WDR70: variants seen among roughly 807,000 people sequenced by gnomAD.
WDR70 encodes the protein WD repeat domain 70, also known as WD repeat-containing protein 70.
Under a neutral mutation model 88.6 loss-of-function variants are expected in WDR70, and 53 were observed. The observed-to-expected ratio is 0.60, with a 90% CI of 0.48 to 0.75. WDR70 has a LOEUF of 0.75. WDR70 is among the 30% of genes least tolerant of loss of function. The pLI is 0.00. For missense variants in WDR70, 610 were observed against 823.2 expected (o/e 0.74, Z 3.17); for synonymous variants, 280 against 270.0 (o/e 1.04, Z -0.36).
chr5:37,611,496 A>G (rs1179031864), intron 10 of WDR70, among the ~76,000 whole-genome samples: 2 of 152,046 alleles, frequency 1.3e-5, no homozygotes, highest in East Asian at 3.8e-4. Flanking sequence ...AGAGCAATCT[A>G]AACTCCCTAA....
intron 9 of WDR70, among the ~76,000 whole-genome samples, chr5:37,521,777 A>G (rs1394768991): frequency 1.3e-5 from 2 of 151,756 alleles, no homozygotes; most frequent in Admixed American, 1.3e-4. Context: ...ATTGATGGGC[A>G]TTTGGGCTGG....
intron 10 of WDR70, among the ~76,000 whole-genome samples, chr5:37,682,110 G>T (rs1346674257): frequency 6.6e-6 from 1 of 152,146 alleles, no homozygotes; most frequent in African/African-American, 2.4e-5. Context: ...TTCAGAGCTT[G>T]TTATTGGTCT....
intron 6 of WDR70, among the ~76,000 whole-genome samples, chr5:37,441,195 G>A (rs1166128143): frequency 6.6e-6 from 1 of 152,202 alleles, no homozygotes; most frequent in Non-Finnish European, 1.5e-5. Context: ...GAGTTTGTAG[G>A]TGGTGGTAGC....
intron 3 of WDR70, 75 bp downstream of exon 3, chr5:37,381,760 G>A (rs1748431935): frequency 6.7e-7 from 1 of 1,491,640 alleles, no homozygotes; most frequent in Non-Finnish European, 9.2e-7. Flanking sequence ...TTAAAAAAGA[G>A]AAAAGAATGT....
At chr5:37,452,584 C>A (rs1375056736) in intron 7 of WDR70, among the ~76,000 whole-genome samples, 2 of 152,132 alleles carry the variant, frequency 1.3e-5, no homozygotes, top group Non-Finnish European at 2.9e-5. Flanking sequence ...GGTCTGTTAA[C>A]CTTTTAAATT....
At chr5:37,419,766 G>A (rs1749888898) in intron 5 of WDR70, among the ~76,000 whole-genome samples, 1 of 151,940 alleles carries the variant, frequency 6.6e-6, no homozygotes, top group African/African-American at 2.4e-5. Flanking sequence ...AGTGAGCAGC[G>A]CCATTGCACT....
intron 16 of WDR70, among the ~76,000 whole-genome samples, chr5:37,725,686 T>C (rs1461626657): frequency 6.6e-6 from 1 of 152,136 alleles, no homozygotes; most frequent in African/African-American, 2.4e-5. Flanking sequence ...TTCATTTTTT[T>C]CTAACACCGT....
intron 9 of WDR70, among the ~76,000 whole-genome samples, chr5:37,564,696 T>A (rs1419936287): frequency 3.9e-5 from 6 of 152,056 alleles, no homozygotes; most frequent in Non-Finnish European, 1.5e-5. Context: ...TAGAAAAAAA[T>A]TTTTACTTCC....
chr5:37,682,373 T>C (rs1581492740), intron 10 of WDR70, among the ~76,000 whole-genome samples: 1 of 152,220 alleles, frequency 6.6e-6, no homozygotes, highest in Non-Finnish European at 1.5e-5. Flanking sequence ...AAAAACCAAC[T>C]CTTAGATTCA....
chr5:37,396,244 C>T, intron 4 of WDR70, 131 bp from the exon 5 acceptor site: 1 of 1,289,256 alleles, frequency 7.8e-7, no homozygotes, highest in Non-Finnish European at 1.0e-6. Context: ...GTTTGAACTA[C>T]AAATTTAAAA....
intron 9 of WDR70, among the ~76,000 whole-genome samples, chr5:37,533,136 G>A (rs999155892): frequency 6.6e-6 from 1 of 152,186 alleles, no homozygotes; most frequent in African/African-American, 2.4e-5. Flanking sequence ...TTGCAGCCCT[G>A]GATAGCAGCA....
chr5:37,495,970 G>T (rs1725725105), intron 8 of WDR70, among the ~76,000 whole-genome samples: 3 of 152,216 alleles, frequency 2.0e-5, no homozygotes, highest in South Asian at 4.2e-4. Flanking sequence ...TTCTTATTCT[G>T]GGTACTTAAC....
At chr5:37,453,672 A>G (rs560932866) in intron 7 of WDR70, among the ~76,000 whole-genome samples, 1 of 152,318 alleles carries the variant, frequency 6.6e-6, no homozygotes, top group East Asian at 1.9e-4. Flanking sequence ...CCTGTTCCCA[A>G]CACCTTCTCT....
intron 5 of WDR70, among the ~76,000 whole-genome samples, chr5:37,420,318 A>G (rs1356197279): frequency 6.6e-6 from 1 of 152,222 alleles, no homozygotes; most frequent in African/African-American, 2.4e-5. Flanking sequence ...AGACATATCA[A>G]TTTGCACTTT....
At chr5:37,519,584 A>G (rs1407344597) in intron 9 of WDR70, among the ~76,000 whole-genome samples, 4 of 141,040 alleles carry the variant, frequency 2.8e-5, no homozygotes, top group African/African-American at 5.4e-5. Flanking sequence ...GCGGCGGGGC[A>G]GAGGCGCTCC....
At chr5:37,680,053 C>A (rs1746379018) in intron 10 of WDR70, among the ~76,000 whole-genome samples, 1 of 152,196 alleles carries the variant, frequency 6.6e-6, no homozygotes, top group African/African-American at 2.4e-5. Context: ...ACCTTGCCAG[C>A]ATCGGCTGTT....
At chr5:37,493,936 A>G (rs1324561371) in intron 8 of WDR70, among the ~76,000 whole-genome samples, 1 of 150,974 alleles carries the variant, frequency 6.6e-6, no homozygotes, top group Non-Finnish European at 1.5e-5. Context: ...CTCCTGCCTC[A>G]GCCTTCCAAG....
At chr5:37,729,225 C>T (rs371699380) in intron 17 of WDR70, among the ~76,000 whole-genome samples, 15 of 152,172 alleles carry the variant, frequency 9.9e-5, no homozygotes, top group Non-Finnish European at 1.9e-4. Flanking sequence ...TCCAAAGAGC[C>T]GTGGCTCCTT....
At chr5:37,382,167 C>T (rs1249729190) in intron 3 of WDR70, among the ~76,000 whole-genome samples, 6 of 149,726 alleles carry the variant, frequency 4.0e-5, no homozygotes, top group Admixed American at 6.7e-5. Context: ...GGCATGATCT[C>T]GGCTCACTGC....
Sources: gnomAD v4.1 joint callset for allele counts (sites outside exome capture counted in the v4.1 genomes callset) on GRCh38, gnomAD v4.1.1 for gene constraint, MANE v1.5 for transcripts, NCBI Gene and HGNC (gene_info 2026-07-23, HGNC 2026-07-21) for gene names.